Variants in UGT2B17 observed in about 807,000 individuals in gnomAD.
UGT2B17 encodes UDP glucuronosyltransferase family 2 member B17, also known as UDP-glucuronosyltransferase 2B17.
A neutral mutation model predicts 48.2 loss-of-function variants in UGT2B17; 21 were observed. That is an observed-to-expected ratio of 0.44 (90% CI 0.31 to 0.63). The LOEUF (loss-of-function observed/expected upper bound fraction) is 0.63. Among genes scored for constraint, UGT2B17 ranks in the 20% least tolerant of loss-of-function variants. The probability of loss-of-function intolerance (pLI) is 0.08; values close to 1 mark genes in which losing one functional copy is unlikely to be tolerated. For synonymous variants in UGT2B17, 146 were observed against 238.4 expected, an observed-to-expected ratio of 0.61 and a Z score of 3.57; for missense variants, 402 against 696.1, an observed-to-expected ratio of 0.58 and a Z score of 4.75.
intron 6 of UGT2B17, among the ~76,000 whole-genome samples, chr4:68,548,381 C>A (rs1169248449): frequency 8.1e-6 from 1 of 124,116 alleles, no homozygotes; most frequent in Non-Finnish European, 1.7e-5. Flanking sequence ...ACAATGAGAA[C>A]ACGAGGACAC....
intron 2 of UGT2B17, among the ~76,000 whole-genome samples, chr4:68,566,436 T>G (rs1283725657): frequency 8.4e-6 from 1 of 118,886 alleles, no homozygotes; most frequent in Non-Finnish European, 1.7e-5. Flanking sequence ...TCCCCATGTG[T>G]CGAGGGAGGG....
Position 68,552,921 on chromosome 4 carries a change from ACT to A in UGT2B17, c.1006-1012_1006-1011del, listed in dbSNP as rs200710657. Among the ~76,000 whole-genome samples, 991 of 123,702 alleles carry A rather than the reference ACT, an allele frequency of 8.0e-3. 195 individuals carry two copies. Among genetic ancestry groups the A allele is most frequent in the African/African-American group, 0.025 (912 of 36,192 alleles). 81.2% of individuals were successfully genotyped at this position (123,702 alleles called of 152,430 possible). On this transcript the variant is annotated intron_variant, in intron 4 of 6. Coordinates refer to ENST00000317746, the MANE Select transcript of UGT2B17 (RefSeq NM_001077.4). ...TTTCCATGACAATGGAAGGCAGGTA[ACT>A]CTATGGAGTTTGAGCTCACTCCCAG...
intron 3 of UGT2B17, among the ~76,000 whole-genome samples, chr4:68,562,794 G>A (rs1465522698): frequency 7.9e-6 from 1 of 126,116 alleles, no homozygotes; most frequent in Admixed American, 8.1e-5. Context: ...ATGTACATAT[G>A]TGATGTTTAT....
At chr4:68,550,343 T>C (rs1323497974) in intron 6 of UGT2B17, among the ~76,000 whole-genome samples, 2 of 125,810 alleles carry the variant, frequency 1.6e-5, no homozygotes, top group Non-Finnish European at 3.4e-5. Flanking sequence ...CTTTCAGAAA[T>C]TTTAGGTATT....
rs1485877151 is a variant in UGT2B17 at position 68,555,017 on chromosome 4, A to C, written c.1006-3106T>G. On this transcript the variant is annotated intron_variant, in intron 4 of 6. Transcript: ENST00000317746. ...TGGCTTAAGAAAATAAAAGTGCTTG[A>C]ATTAAATACTTTGCCAGAAAAAAAG... Among the ~76,000 whole-genome samples the C allele has an allele frequency of 3.2e-5, 4 of 125,878 alleles. 2 individuals carry two copies. The highest frequency in any genetic ancestry group is 1.6e-4 in the Admixed American group (2 of 12,204). 82.6% of individuals were successfully genotyped at this position (125,878 alleles called of 152,430 possible).
chr4:68,559,071 A>C lies in UGT2B17; in HGVS notation c.1005+1466T>G, dbSNP rs1412740773. The stretch of plus-strand genomic sequence containing the variant: ...AAAAGTAGCAAATTAGTAATAACCT[A>C]TATATTTATTTTATATACTTTATAC... On this transcript the variant is annotated intron_variant, in intron 4 of 6. Coordinates refer to ENST00000317746, the MANE Select transcript of UGT2B17 (RefSeq NM_001077.4). Among the ~76,000 whole-genome samples, 2 of 125,692 alleles carry C rather than the reference A, an allele frequency of 1.6e-5. 1 individual carries two copies. The highest frequency in any genetic ancestry group is 3.4e-5 in the Non-Finnish European group (2 of 59,396). The allele number at this position is 125,692 out of a possible 152,430, so 82.5% of individuals were successfully genotyped here.
At chr4:68,575,246 G>T (rs1252181819) in intron 1 of UGT2B17, among the ~76,000 whole-genome samples, 6 of 51,744 alleles carry the variant, frequency 1.2e-4, no homozygotes, top group African/African-American at 3.2e-4. Flanking sequence ...TTATGCTGCT[G>T]TTCTCTTAAC....
chr4:68,550,407 C>A lies in UGT2B17; in HGVS notation c.1313+270G>T, dbSNP rs1273650150. ...AGTTACATAATTTCTATTGTGTATT[C>A]TATCATTAAAAATATTTAAAATAAT... On this transcript the variant is annotated intron_variant, in intron 6 of 6. Coordinates refer to ENST00000317746, the MANE Select transcript of UGT2B17 (RefSeq NM_001077.4). Among the ~76,000 whole-genome samples, 35 of 124,748 alleles carry A rather than the reference C, an allele frequency of 2.8e-4. 8 individuals are homozygous for A. Among genetic ancestry groups the A allele is most frequent in the African/African-American group, 9.0e-4 (33 of 36,728 alleles). The allele number at this position is 124,748 out of a possible 152,430, so 81.8% of individuals were successfully genotyped here. A position where few individuals can be genotyped will look rare whatever the true frequency, so the allele number is the denominator to read the frequency against.
chr4:68,563,873 A>G (rs1731146747), intron 3 of UGT2B17, among the ~76,000 whole-genome samples: 1 of 126,232 alleles, frequency 7.9e-6, no homozygotes, highest in South Asian at 3.6e-4. Context: ...TTGCTAGGAA[A>G]ATCAATCATT....
intron 6 of UGT2B17, among the ~76,000 whole-genome samples, chr4:68,549,422 C>A (rs1730876739): frequency 8.1e-6 from 1 of 122,832 alleles, no homozygotes. Context: ...GGGATAGTAT[C>A]TATAACATAT....
Position 68,567,999 on chromosome 4 carries a change from A to T in UGT2B17, c.486T>A (p.Ala162=). The T allele has an allele frequency of 2.2e-6, 3 of 1,382,486 alleles. 1 individual carries two copies. The African/African-American group carries it at 4.4e-5, about 20-fold the overall frequency. The allele number at this position is 1,382,486 out of a possible 1,614,324, so 85.6% of individuals were successfully genotyped here. The stretch of plus-strand genomic sequence containing the variant: ...ACAGAAAGGGTATGTTAAGTAGCTC[A>T]GCCAGCAGCTCACCACAGGGATTAA... ...DAVNPCGELL[A]ELLNIPFLYS... The change falls in exon 2 of 7, where the codon GCT becomes GCA. Residue 162 remains alanine (A), a synonymous_variant. Coordinates refer to ENST00000317746, the MANE Select transcript of UGT2B17 (RefSeq NM_001077.4).
chr4:68,564,191 T>G (rs1178202145), intron 3 of UGT2B17, among the ~76,000 whole-genome samples: 2 of 121,752 alleles, frequency 1.6e-5, no homozygotes, highest in Non-Finnish European at 3.4e-5. Flanking sequence ...GGATTTTTTT[T>G]GAAAGGAAAT....
chr4:68,575,218 C>T (rs1731353938), intron 1 of UGT2B17, among the ~76,000 whole-genome samples: 1 of 83,118 alleles, frequency 1.2e-5, no homozygotes, highest in Non-Finnish European at 2.2e-5. Context: ...CTGGTCTTTC[C>T]TTGCCTCTGC....
rs1473140657 is a variant in UGT2B17 at position 68,555,579 on chromosome 4, T to C, written c.1006-3668A>G. ...CTTTTTCACTGTCTCAGTTATAATTTTGCAATGGCAATTCCATAACTTTAA... is the reference window on the plus strand; with the variant it reads ...CTTTTTCACTGTCTCAGTTATAATTCTGCAATGGCAATTCCATAACTTTAA... On this transcript the variant is annotated intron_variant, in intron 4 of 6. Transcript: ENST00000317746. 1.3e-4 allele frequency among the ~76,000 whole-genome samples: 17 copies of C among 126,422 alleles called. 5 individuals are homozygous for C. Among genetic ancestry groups the C allele is most frequent in the Non-Finnish European group, 2.9e-4 (17 of 59,486 alleles). The allele number at this position is 126,422 out of a possible 152,430, so 82.9% of individuals were successfully genotyped here.
chr4:68,569,975 G>A (rs1731273875), intron 1 of UGT2B17, among the ~76,000 whole-genome samples: 1 of 125,978 alleles, frequency 7.9e-6, no homozygotes, highest in African/African-American at 2.7e-5. Flanking sequence ...TGGGGCTCAG[G>A]TCTGTGTCCC....
rs372691454 is a variant in UGT2B17, at chr4:68,545,978, T to C, written c.1313+4699A>G. On this transcript the variant is annotated intron_variant, in intron 6 of 6. Coordinates refer to ENST00000317746, the MANE Select transcript of UGT2B17 (RefSeq NM_001077.4). ...GTCCAGGACCAGATGGATTCACAGC[T>C]GAATTCTACCAGAGGTACAAGGAGG... Among the ~76,000 whole-genome samples, 3 of 125,782 alleles carry C rather than the reference T, an allele frequency of 2.4e-5. 1 individual carries two copies. Among genetic ancestry groups the C allele is most frequent in the Admixed American group, 8.1e-5 (1 of 12,292 alleles). The allele number at this position is 125,782 out of a possible 152,430, so 82.5% of individuals were successfully genotyped here.
Position 68,570,457 on chromosome 4 carries a change from T to A in UGT2B17, c.-64-1909A>T, listed in dbSNP as rs1294859650. ...CCTGGTTTCAGGCCTGGAGCCAGGC[T>A]GCCTGTCTTTGGTTTTACTTCTTTG... On this transcript the variant is annotated intron_variant, in intron 1 of 6. Transcript: ENST00000317746. Among the ~76,000 whole-genome samples the A allele has an allele frequency of 1.6e-5, 2 of 126,942 alleles. 1 individual carries two copies. The highest frequency in any genetic ancestry group is 5.4e-5 in the African/African-American group (2 of 37,102). 83.3% of individuals were successfully genotyped at this position (126,942 alleles called of 152,430 possible).
rs1216717489 is a variant in UGT2B17 at position 68,568,200 on chromosome 4, A to G, written c.285T>C (p.Asp95=). 7.3e-7 allele frequency: 1 copy of G among 1,374,648 alleles called. No individual in the cohort carries two copies. Among genetic ancestry groups the G allele is most frequent in the South Asian group, 1.6e-5 (1 of 60,660 alleles). 85.2% of individuals were successfully genotyped at this position (1,374,648 alleles called of 1,614,324 possible). Residue 95 remains aspartate (D), a synonymous_variant, in exon 2 of 7, where the codon GAT becomes GAC. Coordinates refer to ENST00000317746, the MANE Select transcript of UGT2B17 (RefSeq NM_001077.4). ...DLEDFFMKMF[D]RWTYSISKNT... Reference sequence around the variant, plus strand: ...TTTTTGAAATACTATATGTCCATCTATCGAACATTTTCATAAAAAAATCTT... The same window carrying G: ...TTTTTGAAATACTATATGTCCATCTGTCGAACATTTTCATAAAAAAATCTT...
chr4:68,568,575 T>C lies in UGT2B17; in HGVS notation c.-64-27A>G, dbSNP rs1231833009. ...TGAGGAAAAATCAATCAAGTTAAAATATAACTGCTAAAATTTGAGTTGACC... is the reference window on the plus strand; with the variant it reads ...TGAGGAAAAATCAATCAAGTTAAAACATAACTGCTAAAATTTGAGTTGACC... On this transcript the variant is annotated intron_variant, in intron 1 of 6. Transcript: ENST00000317746. 5.8e-5 allele frequency: 71 copies of C among 1,215,218 alleles called. 20 individuals carry two copies. Among genetic ancestry groups the C allele is most frequent in the Non-Finnish European group, 7.2e-5 (70 of 966,690 alleles). 75.3% of individuals were successfully genotyped at this position (1,215,218 alleles called of 1,614,324 possible). A position where few individuals can be genotyped will look rare whatever the true frequency, so the allele number is the denominator to read the frequency against.
Sources: gnomAD v4.1 joint callset for allele counts (sites outside exome capture counted in the v4.1 genomes callset) on GRCh38, gnomAD v4.1.1 for gene constraint, MANE v1.5 for transcripts, NCBI Gene and HGNC (gene_info 2026-07-23, HGNC 2026-07-21) for gene names.